Variants in HGSNAT observed in about 807,000 individuals in gnomAD.
HGSNAT encodes transmembrane protein 76.
In HGSNAT, 59 loss-of-function variants were observed where a neutral mutation model predicts 85.2. The observed-to-expected ratio is 0.69, with a 90% confidence interval of 0.56 to 0.86. HGSNAT has a LOEUF of 0.86. Among genes scored for constraint, HGSNAT ranks in the 40% least tolerant of loss-of-function variants. The pLI, the probability that HGSNAT is intolerant of heterozygous loss-of-function variation, is 0.00. For synonymous variants in HGSNAT, 321 were observed against 304.5 expected (o/e 1.05, Z -0.56); for missense variants, 756 against 777.1 (o/e 0.97, Z 0.32).
intron 2 of HGSNAT, 137 bp from the exon 3 acceptor site, chr8:43,158,438 T>C: frequency 1.2e-6 from 1 of 856,558 alleles, no homozygotes; most frequent in Middle Eastern, 3.3e-4. Flanking sequence ...AAATTTAAAT[T>C]ATTGAAATGT....
At chr8:43,167,882 A>C in intron 5 of HGSNAT, 1 of 221,674 alleles carries the variant, frequency 4.5e-6, no homozygotes, top group East Asian at 1.7e-4. Flanking sequence ...AGTCATGTAA[A>C]TCAATTTAAT....
At chr8:43,140,691 C>T (rs1802491002) in intron 1 of HGSNAT, 77 bp downstream of exon 1, 1 of 683,498 alleles carries the variant, frequency 1.5e-6, no homozygotes, top group Non-Finnish European at 1.9e-6. Context: ...CCCCTATCTC[C>T]GTGCGCGGCG....
chr8:43,188,740 T>C (rs1804414929), intron 11 of HGSNAT, among the ~76,000 whole-genome samples: 4 of 152,240 alleles, frequency 2.6e-5, no homozygotes, highest in Admixed American at 2.6e-4. Flanking sequence ...ATTTTTAGAA[T>C]TTTCAGCTTT....
chr8:43,179,632 C>G, intron 10 of HGSNAT, among the ~76,000 whole-genome samples: 1 of 38,868 alleles, frequency 2.6e-5, no homozygotes, highest in Non-Finnish European at 4.9e-5. Flanking sequence ...CCCCTCACCT[C>G]CCGGACGGGG....
chr8:43,191,410 T>A (rs538097101), intron 11 of HGSNAT, 64 bp from the exon 12 acceptor site: 1 of 1,565,118 alleles, frequency 6.4e-7, no homozygotes, highest in Non-Finnish European at 8.7e-7. Context: ...CCTAAAGACA[T>A]GTGCTTAGTT....
rs370782374 is a variant in HGSNAT at position 43,141,240 on chromosome 8, C to T, written c.118+626C>T. ...GCCTGCAGCCCGGTCCCGGGCGAGC[C>T]CTCCGCGCGTCTCCCCTCGGCGCGT... On this transcript the variant is annotated intron_variant, in intron 1 of 17. Transcript: ENST00000379644. Among the ~76,000 whole-genome samples the T allele has an allele frequency of 5.4e-4, 82 of 152,240 alleles. 1 individual carries two copies. In the East Asian group the frequency reaches 0.015, roughly 28 times the overall value.
At chr8:43,183,359 G>GTTTC (rs954964604) in intron 11 of HGSNAT, among the ~76,000 whole-genome samples, 108 of 151,934 alleles carry the variant, frequency 7.1e-4, no homozygotes, top group African/African-American at 2.5e-3. Context: ...TAGAGACGAG[G>GTTTC]TTTCACTGTG....
At position 43,170,571 on chromosome 8, in the gene HGSNAT, CT is replaced by C. The variant is rs772393660; in HGVS notation, c.634-7del. ...GCATTATGAGTTGTCATCTTTCTCC[CT>C]TTTTTTCTGAAGGAGCTGGGATCTC... On this transcript the variant is annotated splice_polypyrimidine_tract_variant and intron_variant, in intron 6 of 17. Transcript: ENST00000379644. 9.5e-6 allele frequency: 15 copies of C among 1,579,548 alleles called. No individual in the cohort carries two copies. Among genetic ancestry groups the C allele is most frequent in the Admixed American group, 3.6e-5 (2 of 56,102 alleles).
intron 17 of HGSNAT, 63 bp from the exon 18 acceptor site, chr8:43,199,325 A>AT (rs1299554207): frequency 6.4e-5 from 77 of 1,199,132 alleles, no homozygotes; most frequent in Middle Eastern, 3.9e-4. Flanking sequence ...CAAGAATTAA[A>AT]TAGATGGTTA....
chr8:43,170,829 A>G, intron 7 of HGSNAT, 135 bp downstream of exon 7: 2 of 603,396 alleles, frequency 3.3e-6, no homozygotes, highest in Non-Finnish European at 2.8e-6. Context: ...TCTTGGATGT[A>G]AAAGTAAACT....
chr8:43,193,661 A>G (rs1804614896), intron 13 of HGSNAT, 96 bp from the exon 14 acceptor site: 2 of 750,318 alleles, frequency 2.7e-6, no homozygotes, highest in South Asian at 3.5e-5. Flanking sequence ...ACCATGACAT[A>G]CTGGAGTGTA....
chr8:43,156,099 C>T (rs1803086269), intron 2 of HGSNAT, among the ~76,000 whole-genome samples: 1 of 152,176 alleles, frequency 6.6e-6, no homozygotes, highest in African/African-American at 2.4e-5. Context: ...CTCGGCCTCC[C>T]AAAGTGCTGG....
intron 10 of HGSNAT, chr8:43,181,842 A>G (rs953016727): frequency 5.5e-6 from 2 of 365,248 alleles, no homozygotes; most frequent in Non-Finnish European, 9.9e-6. Flanking sequence ...GCCTGGCTTT[A>G]TCCCCACACC....
At chr8:43,166,765 T>C (rs1803449228) in intron 5 of HGSNAT, among the ~76,000 whole-genome samples, 1 of 152,180 alleles carries the variant, frequency 6.6e-6, no homozygotes, top group African/African-American at 2.4e-5. Flanking sequence ...ATTTAAAAAA[T>C]AGGTTTTTAT....
intron 2 of HGSNAT, among the ~76,000 whole-genome samples, chr8:43,149,742 A>C (rs1342732357): frequency 1.3e-5 from 2 of 152,000 alleles, no homozygotes; most frequent in African/African-American, 4.8e-5. Context: ...GCAGATGTAG[A>C]TTATAGGAGA....
chr8:43,154,762 G>A (rs1803038178), intron 2 of HGSNAT, among the ~76,000 whole-genome samples: 1 of 152,126 alleles, frequency 6.6e-6, no homozygotes, highest in Non-Finnish European at 1.5e-5. Context: ...CTGAGGAATC[G>A]CCACACCGAC....
At chr8:43,163,028 T>C (rs1803316486) in intron 5 of HGSNAT, among the ~76,000 whole-genome samples, 1 of 152,002 alleles carries the variant, frequency 6.6e-6, no homozygotes, top group South Asian at 2.1e-4. Context: ...CTACTAAAAA[T>C]ACAAAAAGTA....
At chr8:43,179,532 C>T (rs578224703) in intron 10 of HGSNAT, among the ~76,000 whole-genome samples, 2,013 of 120,148 alleles carry the variant, frequency 0.017, 130 homozygotes, top group African/African-American at 0.07. Flanking sequence ...GGCGGCTGGC[C>T]GACCCCCCCC....
chr8:43,141,996 G>C (rs1025616207), intron 1 of HGSNAT, among the ~76,000 whole-genome samples: 3 of 152,144 alleles, frequency 2.0e-5, no homozygotes, highest in African/African-American at 7.2e-5. Context: ...GTCACCTGGA[G>C]CCCATGTTTG....
Sources: allele counts gnomAD v4.1 joint callset (sites outside exome capture counted in the v4.1 genomes callset), GRCh38; gene constraint gnomAD v4.1.1; transcripts MANE v1.5; gene names NCBI Gene and HGNC (gene_info 2026-07-23, HGNC 2026-07-21).